CDK14: variants seen among roughly 807,000 people sequenced by gnomAD.
The protein encoded by CDK14 is cyclin dependent kinase 14.
Under a neutral mutation model 60.7 loss-of-function variants are expected in CDK14, and 34 were observed. The ratio of observed to expected loss-of-function variants is 0.56; its 90% CI spans 0.43 to 0.75. CDK14 has a LOEUF of 0.75. CDK14 is among the 30% of genes least tolerant of loss of function. The probability of loss-of-function intolerance (pLI) is 0.00; values close to 1 mark genes in which losing one functional copy is unlikely to be tolerated. For synonymous variants in CDK14, 197 were observed against 203.7 expected, an observed-to-expected ratio of 0.97 and a Z score of 0.28; for missense variants, 482 against 564.1, an observed-to-expected ratio of 0.85 and a Z score of 1.47.
At chr7:90,854,088 C>G (rs57870103) in intron 5 of CDK14, among the ~76,000 whole-genome samples, 8,951 of 152,182 alleles carry the variant, frequency 0.059, 825 homozygotes, top group African/African-American at 0.2. Context: ...GGACTTGTAG[C>G]CATGGCAAAG....
At chr7:90,771,157 C>A (rs1014563747) in intron 4 of CDK14, among the ~76,000 whole-genome samples, 1 of 152,190 alleles carries the variant, frequency 6.6e-6, no homozygotes, top group African/African-American at 2.4e-5. Context: ...TGAGTTGACC[C>A]TAATCTTTCT....
chr7:90,826,095 C>T (rs924033909), intron 5 of CDK14, among the ~76,000 whole-genome samples: 3 of 152,110 alleles, frequency 2.0e-5, no homozygotes, highest in Non-Finnish European at 2.9e-5. Flanking sequence ...TGAGTTCAAC[C>T]GTCAGTAAAC....
intron 12 of CDK14, among the ~76,000 whole-genome samples, chr7:91,100,080 C>G (rs896566514): frequency 1.3e-5 from 2 of 152,078 alleles, no homozygotes; most frequent in African/African-American, 2.4e-5. Flanking sequence ...CATATAATCG[C>G]TGGTTCACTA....
chr7:90,814,258 G>C (rs1789257451), intron 5 of CDK14, among the ~76,000 whole-genome samples: 1 of 151,904 alleles, frequency 6.6e-6, no homozygotes, highest in Admixed American at 6.6e-5. Flanking sequence ...GAAACTGATA[G>C]AAGAGGTGGC....
rs188511361 is a variant in CDK14, at chr7:90,806,231, T to C, written c.544+15579T>C. 3.7e-4 allele frequency among the ~76,000 whole-genome samples: 56 copies of C among 152,250 alleles called. No individual in the cohort carries two copies. The East Asian group carries it at 8.1e-3, about 22-fold the overall frequency. On this transcript the variant is annotated intron_variant, in intron 5 of 14. Coordinates refer to ENST00000380050, the MANE Select transcript of CDK14 (RefSeq NM_001287135.2). ...TTTGTGCCCTTGGATTACACAAATATTTCATAGATATGACAGCAAAAACGT... is the reference window on the plus strand; with the variant it reads ...TTTGTGCCCTTGGATTACACAAATACTTCATAGATATGACAGCAAAAACGT...
chr7:90,997,148 A>G (rs1350347389), intron 10 of CDK14, among the ~76,000 whole-genome samples: 1 of 152,168 alleles, frequency 6.6e-6, no homozygotes, highest in Non-Finnish European at 1.5e-5. Context: ...TCTTTGCCCA[A>G]ACTTTCTGGT....
At chr7:90,629,849 A>G (rs1799954794) in intron 2 of CDK14, among the ~76,000 whole-genome samples, 1 of 152,126 alleles carries the variant, frequency 6.6e-6, no homozygotes, top group African/African-American at 2.4e-5. Context: ...CAACATGGTG[A>G]AACCCCATTT....
intron 11 of CDK14, among the ~76,000 whole-genome samples, chr7:91,079,120 G>A (rs1207538481): frequency 6.6e-6 from 1 of 152,174 alleles, no homozygotes; most frequent in Non-Finnish European, 1.5e-5. Context: ...CTACTTACAG[G>A]TTGGAGGTTT....
At chr7:90,894,923 A>T (rs1332768970) in intron 6 of CDK14, among the ~76,000 whole-genome samples, 1 of 152,106 alleles carries the variant, frequency 6.6e-6, no homozygotes, top group African/African-American at 2.4e-5. Context: ...TGCCATATTG[A>T]ATTTTAGCAC....
chr7:90,771,036 G>A (rs1224501782), intron 4 of CDK14, among the ~76,000 whole-genome samples: 1 of 152,134 alleles, frequency 6.6e-6, no homozygotes, highest in Non-Finnish European at 1.5e-5. Context: ...ATCATGTTAT[G>A]TCCGCTTAGC....
intron 12 of CDK14, chr7:91,107,907 A>G (rs141890921): frequency 6.6e-6 from 1 of 152,352 alleles, no homozygotes; most frequent in African/African-American, 2.4e-5. Flanking sequence ...AGTCTAATGA[A>G]GCTTCTGCAG....
chr7:91,077,467 A>G (rs1238383115), intron 11 of CDK14, among the ~76,000 whole-genome samples: 2 of 151,988 alleles, frequency 1.3e-5, no homozygotes, highest in Admixed American at 1.3e-4. Context: ...CAGCGAGGGA[A>G]ATATCACACA....
chr7:91,080,502 A>G (rs891134454), intron 12 of CDK14, among the ~76,000 whole-genome samples: 10 of 152,206 alleles, frequency 6.6e-5, no homozygotes, highest in African/African-American at 2.4e-4. Flanking sequence ...TGCATGTGCC[A>G]TTTGAAGAGC....
At chr7:91,112,707 C>T (rs376249983) in intron 13 of CDK14, 26 bp downstream of exon 13, 1 of 1,609,342 alleles carries the variant, frequency 6.2e-7, no homozygotes, top group Non-Finnish European at 8.5e-7. Context: ...CCACAACATC[C>T]AGTCCAAGCA....
chr7:90,892,540 T>C (rs1792167495), intron 6 of CDK14, among the ~76,000 whole-genome samples: 1 of 152,030 alleles, frequency 6.6e-6, no homozygotes, highest in Non-Finnish European at 1.5e-5. Flanking sequence ...TAACAAGGGG[T>C]TATTTTTCTC....
intron 2 of CDK14, chr7:90,632,677 T>C (rs6943311): frequency 0.088 from 13,431 of 152,442 alleles, 624 homozygotes; most frequent in Middle Eastern, 0.19. Flanking sequence ...GTGTTGGCTC[T>C]ATTTTTCCAC....
chr7:90,627,864 A>G (rs1296968096), intron 2 of CDK14, among the ~76,000 whole-genome samples: 2 of 152,236 alleles, frequency 1.3e-5, no homozygotes, highest in Non-Finnish European at 2.9e-5. Flanking sequence ...ATTCTCCCAC[A>G]TAGGAGCCGT....
At chr7:91,108,292 G>A (rs1392789355) in intron 12 of CDK14, among the ~76,000 whole-genome samples, 1 of 152,198 alleles carries the variant, frequency 6.6e-6, no homozygotes, top group African/African-American at 2.4e-5. Flanking sequence ...GGGCAGCAGA[G>A]TGAGACTCTG....
intron 8 of CDK14, among the ~76,000 whole-genome samples, chr7:90,951,853 A>G (rs1317292471): frequency 2.0e-5 from 3 of 152,180 alleles, no homozygotes; most frequent in African/African-American, 7.2e-5. Context: ...ACCTATGCCT[A>G]GTAAGGAATT....
Sources: gnomAD v4.1 joint callset for allele counts (sites outside exome capture counted in the v4.1 genomes callset) on GRCh38, gnomAD v4.1.1 for gene constraint, MANE v1.5 for transcripts, NCBI Gene and HGNC (gene_info 2026-07-23, HGNC 2026-07-21) for gene names.